The following DOCK7 variants were observed in gnomAD, a reference collection of about 807,000 sequenced individuals.
The protein encoded by DOCK7 is dedicator of cytokinesis protein 7.
Under a neutral mutation model 271.0 loss-of-function variants are expected in DOCK7, and 138 were observed. The ratio of observed to expected loss-of-function variants is 0.51; its 90% CI spans 0.44 to 0.59. The LOEUF (loss-of-function observed/expected upper bound fraction) is 0.59. Among genes scored for constraint, DOCK7 ranks in the 20% least tolerant of loss-of-function variants. The pLI, the probability that DOCK7 is intolerant of heterozygous loss-of-function variation, is 0.00. For missense variants in DOCK7, 2,066 were observed against 2,592.4 expected (o/e 0.80, Z 4.41); for synonymous variants, 823 against 876.1 (o/e 0.94, Z 1.07).
intron 28 of DOCK7, among the ~76,000 whole-genome samples, chr1:62,537,411 C>T (rs1223230295): frequency 6.6e-6 from 1 of 151,922 alleles, no homozygotes; most frequent in Non-Finnish European, 1.5e-5. Context: ...CATGGTGAAA[C>T]CCCGTCTCTA....
At chr1:62,574,391 A>G (rs764651793) in intron 18 of DOCK7, among the ~76,000 whole-genome samples, 11 of 152,190 alleles carry the variant, frequency 7.2e-5, no homozygotes, top group African/African-American at 1.2e-4. Flanking sequence ...GACAGAGCCA[A>G]TCAAGAAAAT....
chr1:62,563,215 A>G (rs933143642), intron 18 of DOCK7, among the ~76,000 whole-genome samples: 2 of 152,322 alleles, frequency 1.3e-5, no homozygotes, highest in Admixed American at 1.3e-4. Flanking sequence ...AAAAGGAGGC[A>G]GAGTGGGTAA....
chr1:62,487,370 G>C, intron 43 of DOCK7, 28 bp downstream of exon 43: 1 of 1,603,320 alleles, frequency 6.2e-7, no homozygotes, highest in Non-Finnish European at 8.5e-7. Flanking sequence ...ATCTATTAGT[G>C]TCTTTAACTA....
intron 1 of DOCK7, among the ~76,000 whole-genome samples, chr1:62,668,822 G>C (rs539690511): frequency 6.6e-6 from 1 of 151,894 alleles, no homozygotes; most frequent in South Asian, 2.1e-4. Flanking sequence ...CTACTTGGGA[G>C]GCTGAAGCAG....
intron 33 of DOCK7, 86 bp downstream of exon 33, chr1:62,513,358 T>C: frequency 8.0e-7 from 1 of 1,256,030 alleles, no homozygotes; most frequent in African/African-American, 1.6e-5. Flanking sequence ...CTTAAAACAC[T>C]TTTTAAAAAG....
At chr1:62,534,353 C>T (rs1023241564) in intron 29 of DOCK7, among the ~76,000 whole-genome samples, 1 of 152,156 alleles carries the variant, frequency 6.6e-6, no homozygotes, top group Admixed American at 6.5e-5. Context: ...GTGGCTCACG[C>T]CTGTAATCCT....
intron 4 of DOCK7, among the ~76,000 whole-genome samples, chr1:62,649,875 C>A (rs1173128739): frequency 6.6e-6 from 1 of 152,148 alleles, no homozygotes. Flanking sequence ...TAACATTCTT[C>A]CCCCAGATAT....
At position 62,513,787 on chromosome 1, in the gene DOCK7, C is replaced by G; in HGVS notation, c.4048G>C (p.Asp1350His). 6.2e-7 allele frequency: 1 copy of G among 1,614,152 alleles called. No homozygotes were observed. The highest frequency in any genetic ancestry group is 8.5e-7 in the Non-Finnish European group (1 of 1,180,022). ...CGGTTTAGCTGCAAGACTGAGAGAT[C>G]TGTAAACCACTTCTGTAGAACTGTT... The part of the protein sequence containing the change: ...DETVLQKWFT[D>H]LSVLQLNRLL... The change falls in exon 32 of 50, where the codon GAT (aspartate) becomes CAT (histidine). Residue 1350 changes from aspartate to histidine, a missense_variant. Around this residue, in one of 2 missense-constraint regions of DOCK7, gnomAD observed 1,414 missense variants for 1,670.4 expected, o/e 0.85. Coordinates refer to ENST00000635253, the MANE Select transcript of DOCK7 (RefSeq NM_001367561.1).
At chr1:62,572,843 G>T (rs962007875) in intron 18 of DOCK7, among the ~76,000 whole-genome samples, 1 of 152,154 alleles carries the variant, frequency 6.6e-6, no homozygotes, top group East Asian at 1.9e-4. Flanking sequence ...AACTTGCCCA[G>T]GGTCACACAA....
intron 31 of DOCK7, among the ~76,000 whole-genome samples, chr1:62,525,006 C>T (rs1319324913): frequency 2.8e-5 from 4 of 144,806 alleles, no homozygotes; most frequent in Non-Finnish European, 6.0e-5. Context: ...GTAAAACTCT[C>T]TATCTATACA....
chr1:62,510,561 T>A lies in DOCK7; in HGVS notation c.4379+16A>T. 6.3e-7 allele frequency: 1 copy of A among 1,598,006 alleles called. No homozygotes were observed. The highest frequency in any genetic ancestry group is 1.1e-5 in the South Asian group (1 of 88,384). On this transcript the variant is annotated intron_variant, in intron 34 of 49. Transcript: ENST00000635253. ...CAACACACCCATCAGTAACATAAAATAGAAAGCTGTATTACTTGTCAAGCT... is the reference window on the plus strand; with the variant it reads ...CAACACACCCATCAGTAACATAAAAAAGAAAGCTGTATTACTTGTCAAGCT...
At chr1:62,534,859 G>A (rs1475109177) in intron 29 of DOCK7, among the ~76,000 whole-genome samples, 2 of 152,132 alleles carry the variant, frequency 1.3e-5, no homozygotes, top group East Asian at 1.9e-4. Flanking sequence ...TTGGGAGGCT[G>A]AGGTGGTGAT....
intron 30 of DOCK7, 33 bp downstream of exon 30, chr1:62,529,244 G>A: frequency 6.6e-7 from 1 of 1,526,576 alleles, no homozygotes; most frequent in South Asian, 1.3e-5. Flanking sequence ...ATTGAGCTTT[G>A]CCTTTAATAT....
At chr1:62,572,797 G>A (rs1040576144) in intron 18 of DOCK7, among the ~76,000 whole-genome samples, 3 of 152,054 alleles carry the variant, frequency 2.0e-5, no homozygotes, top group Admixed American at 6.5e-5. Flanking sequence ...GATTTTTTGG[G>A]GGGAAACAAT....
At chr1:62,591,697 T>C (rs1461767712) in intron 14 of DOCK7, among the ~76,000 whole-genome samples, 3 of 152,194 alleles carry the variant, frequency 2.0e-5, no homozygotes, top group Non-Finnish European at 4.4e-5. Context: ...CTACTATCTT[T>C]GCTTTGCGGG....
intron 1 of DOCK7, among the ~76,000 whole-genome samples, chr1:62,669,756 G>T (rs1659719016): frequency 6.6e-6 from 1 of 152,240 alleles, no homozygotes; most frequent in Non-Finnish European, 1.5e-5. Flanking sequence ...CTTGCTCTCG[G>T]CACCTCCCCT....
chr1:62,608,655 G>A (rs1651348356), intron 14 of DOCK7: 1 of 152,168 alleles, frequency 6.6e-6, no homozygotes, highest in East Asian at 1.9e-4. Flanking sequence ...CCTGATTTTA[G>A]TGAATTACTG....
intron 22 of DOCK7, among the ~76,000 whole-genome samples, chr1:62,548,915 T>C (rs1332521931): frequency 6.6e-6 from 1 of 152,166 alleles, no homozygotes; most frequent in Non-Finnish European, 1.5e-5. Flanking sequence ...AACAAAACTA[T>C]TTAGAAAAAG....
At chr1:62,502,348 G>A (rs1235161853) in intron 37 of DOCK7, among the ~76,000 whole-genome samples, 1 of 152,128 alleles carries the variant, frequency 6.6e-6, no homozygotes, top group Admixed American at 6.5e-5. Context: ...TTGATTAAAA[G>A]TCTCCCTATC....
Sources: gnomAD v4.1 joint callset for allele counts (sites outside exome capture counted in the v4.1 genomes callset) on GRCh38, gnomAD v4.1.1 for gene constraint, gnomAD v4.1.1 regional missense constraint, MANE v1.5 for transcripts, NCBI Gene and HGNC (gene_info 2026-07-23, HGNC 2026-07-21) for gene names.